The following SCMH1 variants were observed in gnomAD, a reference collection of about 807,000 sequenced individuals.
The protein encoded by SCMH1 is Scm polycomb group protein homolog 1.
Under a neutral mutation model 70.8 loss-of-function variants are expected in SCMH1, and 37 were observed. That is an observed-to-expected ratio of 0.52 (90% CI 0.40 to 0.69). The LOEUF is 0.69. Among genes scored for constraint, SCMH1 ranks in the 30% least tolerant of loss-of-function variants. The pLI is 0.00. For synonymous variants in SCMH1, 292 were observed against 307.4 expected (o/e 0.95, Z 0.52); for missense variants, 607 against 827.3 (o/e 0.73, Z 3.27).
intron 10 of SCMH1, among the ~76,000 whole-genome samples, chr1:41,049,597 C>T (rs1021185954): frequency 1.3e-5 from 2 of 149,760 alleles, no homozygotes; most frequent in Non-Finnish European, 3.0e-5. Flanking sequence ...GGTGAAACCC[C>T]GTCTCTATTA....
chr1:41,222,746 C>A (rs931071206), intron 1 of SCMH1, among the ~76,000 whole-genome samples: 1 of 152,096 alleles, frequency 6.6e-6, no homozygotes, highest in Non-Finnish European at 1.5e-5. Context: ...TTCAAACACT[C>A]AAGAAGAGTC....
intron 1 of SCMH1, among the ~76,000 whole-genome samples, chr1:41,230,562 G>A (rs1241092339): frequency 6.6e-6 from 1 of 151,978 alleles, no homozygotes; most frequent in African/African-American, 2.4e-5. Context: ...GAAGGCTGAG[G>A]GAAGAGGATC....
At chr1:41,040,425 G>A (rs573029729) in intron 12 of SCMH1, among the ~76,000 whole-genome samples, 2 of 152,154 alleles carry the variant, frequency 1.3e-5, no homozygotes, top group Non-Finnish European at 2.9e-5. Flanking sequence ...CAACGGGAAG[G>A]CATCGTCCGG....
intron 8 of SCMH1, among the ~76,000 whole-genome samples, chr1:41,104,509 T>A (rs141576394): frequency 6.6e-6 from 1 of 152,316 alleles, no homozygotes; most frequent in African/African-American, 2.4e-5. Context: ...AAATGATAAA[T>A]GTTTGTGGTG....
intron 8 of SCMH1, among the ~76,000 whole-genome samples, chr1:41,088,967 C>G (rs189551919): frequency 6.6e-6 from 1 of 152,258 alleles, no homozygotes. Flanking sequence ...CACTCTAGTC[C>G]TTAGGTAAGT....
At chr1:41,042,123 T>C (rs1183229207) in intron 12 of SCMH1, among the ~76,000 whole-genome samples, 1 of 151,998 alleles carries the variant, frequency 6.6e-6, no homozygotes, top group Non-Finnish European at 1.5e-5. Flanking sequence ...TCCTGGCTCA[T>C]CATGCCTTGC....
At chr1:41,133,903 A>G (rs149907220) in intron 6 of SCMH1, among the ~76,000 whole-genome samples, 3 of 152,352 alleles carry the variant, frequency 2.0e-5, no homozygotes, top group African/African-American at 7.2e-5. Context: ...AAGCAAAAGA[A>G]AAAGAGGGAA....
At chr1:41,216,506 C>A (rs999930522) in intron 1 of SCMH1, among the ~76,000 whole-genome samples, 75 of 152,302 alleles carry the variant, frequency 4.9e-4, no homozygotes, top group African/African-American at 1.8e-3. Flanking sequence ...CCAAGAGCCA[C>A]AACTAGGCAT....
chr1:41,197,436 G>C (rs1470614441), intron 1 of SCMH1, among the ~76,000 whole-genome samples: 2 of 152,152 alleles, frequency 1.3e-5, no homozygotes, highest in African/African-American at 4.8e-5. Context: ...AAACTGGCCA[G>C]ACACAAAAGG....
intron 1 of SCMH1, among the ~76,000 whole-genome samples, chr1:41,240,456 T>C (rs1439847800): frequency 6.6e-6 from 1 of 152,156 alleles, no homozygotes; most frequent in Non-Finnish European, 1.5e-5. Flanking sequence ...TGCTGGCAGT[T>C]AGAACTAGAG....
chr1:41,145,366 G>A (rs1557644419), intron 5 of SCMH1, among the ~76,000 whole-genome samples: 1 of 152,018 alleles, frequency 6.6e-6, no homozygotes, highest in African/African-American at 2.4e-5. Flanking sequence ...AAAATCGATC[G>A]ATCATAAATT....
chr1:41,218,946 A>C (rs1658663485), intron 1 of SCMH1, among the ~76,000 whole-genome samples: 1 of 152,128 alleles, frequency 6.6e-6, no homozygotes, highest in African/African-American at 2.4e-5. Context: ...CTGGGATCAT[A>C]CCTTAGTTTC....
At chr1:41,047,736 C>T (rs1029402561) in intron 11 of SCMH1, among the ~76,000 whole-genome samples, 1 of 152,178 alleles carries the variant, frequency 6.6e-6, no homozygotes, top group Non-Finnish European at 1.5e-5. Context: ...CCCTGCCTGT[C>T]TGCTCCATCC....
At chr1:41,080,537 C>T (rs544063505) in intron 8 of SCMH1, among the ~76,000 whole-genome samples, 14 of 152,134 alleles carry the variant, frequency 9.2e-5, no homozygotes, top group African/African-American at 3.4e-4. Context: ...ATATACAATC[C>T]TATATATATC....
At chr1:41,064,506 C>A (rs1440219926) in intron 10 of SCMH1, among the ~76,000 whole-genome samples, 2 of 152,104 alleles carry the variant, frequency 1.3e-5, no homozygotes, top group Admixed American at 1.3e-4. Context: ...AATTAACAAC[C>A]AAAAACATCC....
intron 10 of SCMH1, among the ~76,000 whole-genome samples, chr1:41,050,113 A>G (rs915297711): frequency 1.3e-5 from 2 of 151,976 alleles, no homozygotes; most frequent in African/African-American, 2.4e-5. Context: ...TCTCCTAGCT[A>G]CTGGCCTCCA....
At chr1:41,046,293 C>A in intron 12 of SCMH1, 114 bp downstream of exon 12, 1 of 809,668 alleles carries the variant, frequency 1.2e-6, no homozygotes, top group Non-Finnish European at 2.0e-6. Flanking sequence ...GAAAAGCAGA[C>A]CTCTAGATAG....
At chr1:41,132,922 C>T (rs537277430) in intron 6 of SCMH1, among the ~76,000 whole-genome samples, 2 of 152,228 alleles carry the variant, frequency 1.3e-5, no homozygotes, top group East Asian at 3.9e-4. Flanking sequence ...GGTACCAGTG[C>T]CATGCTATTC....
At chr1:41,136,852 A>C (rs1176767851) in intron 6 of SCMH1, among the ~76,000 whole-genome samples, 1 of 143,390 alleles carries the variant, frequency 7.0e-6, no homozygotes, top group Non-Finnish European at 1.5e-5. Flanking sequence ...ACCATAACTC[A>C]CTGTAACCTC....
Sources: gnomAD v4.1 joint callset for allele counts (sites outside exome capture counted in the v4.1 genomes callset) on GRCh38, gnomAD v4.1.1 for gene constraint, MANE v1.5 for transcripts, NCBI Gene and HGNC (gene_info 2026-07-23, HGNC 2026-07-21) for gene names.